Variants in RIMS1 observed in about 807,000 individuals in gnomAD.
RIMS1 encodes regulating synaptic membrane exocytosis 1.
RIMS1 carries 83 observed loss-of-function variants against 214.1 expected under a neutral mutation model. The observed-to-expected ratio is 0.39, with a 90% CI of 0.32 to 0.47. RIMS1 has a LOEUF of 0.47. Among genes scored for constraint, RIMS1 ranks in the 20% least tolerant of loss-of-function variants. RIMS1 has a pLI of 0.99. For synonymous variants in RIMS1, 793 were observed against 786.8 expected (o/e 1.01, Z -0.13); for missense variants, 2,050 against 2,161.8 (o/e 0.95, Z 1.03).
At chr6:72,318,592 C>G (rs1201252162) in intron 28 of RIMS1, among the ~76,000 whole-genome samples, 1 of 152,058 alleles carries the variant, frequency 6.6e-6, no homozygotes, top group East Asian at 1.9e-4. Context: ...CATATGTATT[C>G]TAGTTTCTTT....
At chr6:72,214,959 T>C (rs774578173) in intron 6 of RIMS1, among the ~76,000 whole-genome samples, 3 of 152,154 alleles carry the variant, frequency 2.0e-5, no homozygotes, top group Non-Finnish European at 4.4e-5. Flanking sequence ...TGACCTCCGG[T>C]GATCCACCCG....
intron 6 of RIMS1, among the ~76,000 whole-genome samples, chr6:72,227,823 C>T (rs182045891): frequency 1.3e-5 from 2 of 152,008 alleles, no homozygotes; most frequent in East Asian, 3.9e-4. Context: ...GATGCATTTA[C>T]ATGAATCAAC....
chr6:72,289,990 T>C (rs1361688697), intron 24 of RIMS1, among the ~76,000 whole-genome samples: 1 of 152,200 alleles, frequency 6.6e-6, no homozygotes, highest in Admixed American at 6.5e-5. Flanking sequence ...GCCATAGTAA[T>C]ATAGTTGTCA....
chr6:72,217,219 C>A, intron 6 of RIMS1: 1 of 1,536,494 alleles, frequency 6.5e-7, no homozygotes, highest in Non-Finnish European at 8.7e-7. Context: ...GTTTCTACTA[C>A]TTCATACATT....
intron 4 of RIMS1, among the ~76,000 whole-genome samples, chr6:72,167,683 A>G (rs576483768): frequency 1.3e-4 from 20 of 152,094 alleles, no homozygotes; most frequent in African/African-American, 4.6e-4. Flanking sequence ...TGAGTTTTTG[A>G]GAAATTTCTC....
intron 1 of RIMS1, among the ~76,000 whole-genome samples, chr6:71,951,147 T>G (rs1315963542): frequency 6.6e-6 from 1 of 152,210 alleles, no homozygotes; most frequent in East Asian, 1.9e-4. Flanking sequence ...GTTTTTATAC[T>G]TTTTTCCCTT....
intron 4 of RIMS1, among the ~76,000 whole-genome samples, chr6:72,142,483 G>A (rs2042196313): frequency 6.6e-6 from 1 of 151,862 alleles, no homozygotes; most frequent in South Asian, 2.1e-4. Flanking sequence ...CCTGAAAAAA[G>A]GAGACAATTA....
At chr6:72,369,168 A>T (rs569961988) in intron 29 of RIMS1, among the ~76,000 whole-genome samples, 1 of 151,714 alleles carries the variant, frequency 6.6e-6, no homozygotes, top group South Asian at 2.1e-4. Flanking sequence ...ATGAAAATTA[A>T]GCTGTTATGG....
At chr6:72,121,039 T>C (rs1390873722) in intron 4 of RIMS1, among the ~76,000 whole-genome samples, 1 of 151,916 alleles carries the variant, frequency 6.6e-6, no homozygotes, top group Non-Finnish European at 1.5e-5. Flanking sequence ...AGTAGCATGC[T>C]GTTTTGGTTA....
rs557759556 is a variant in RIMS1 at position 71,946,667 on chromosome 6, ACT to A, written c.165-22313_165-22312del. Among the ~76,000 whole-genome samples the A allele has an allele frequency of 1.2e-4, 18 of 152,214 alleles. 1 individual carries two copies. The East Asian group carries it at 3.5e-3, about 29-fold the overall frequency. ...TAAACACTTAAATGTAAGACCTGAAACTCTAAAACTATTACAAGAAAAACTTA... is the reference window on the plus strand; with the variant it reads ...TAAACACTTAAATGTAAGACCTGAAACTAAAACTATTACAAGAAAAACTTA... On this transcript the variant is annotated intron_variant, in intron 1 of 33. Coordinates refer to ENST00000521978, the MANE Select transcript of RIMS1 (RefSeq NM_014989.7).
rs557743976 is a variant in RIMS1 at position 72,057,609 on chromosome 6, G to A, written c.246-39340G>A. Among the ~76,000 whole-genome samples, 6 of 149,380 alleles carry A rather than the reference G, an allele frequency of 4.0e-5. No homozygotes were observed. In the South Asian group the frequency reaches 6.4e-4, roughly 16 times the overall value. ...TGCAAGCTCCGCCTCCCAGGTTTAC[G>A]CCATTCTCCTGCTTCAGCCTCCGGA... On this transcript the variant is annotated intron_variant, in intron 2 of 33. Coordinates refer to ENST00000521978, the MANE Select transcript of RIMS1 (RefSeq NM_014989.7).
intron 2 of RIMS1, 146 bp from the exon 3 acceptor site, chr6:72,096,803 G>T (rs2031889495): frequency 5.8e-6 from 4 of 684,688 alleles, no homozygotes; most frequent in South Asian, 3.6e-5. Flanking sequence ...TGAAGGTAAG[G>T]TTAGTGGGGA....
In RIMS1 at chr6:72,098,949, T is replaced by G. The variant is rs570439055; in HGVS notation, c.460-1026T>G. On this transcript the variant is annotated intron_variant, in intron 3 of 33. Transcript: ENST00000521978. ...ATAAGATCTATTTGTTAACTTCCCC[T>G]TCTATAGTGCTCTTTAATACACTAT... Among the ~76,000 whole-genome samples the G allele has an allele frequency of 7.9e-5, 12 of 152,300 alleles. No individual in the cohort carries two copies. In the South Asian group the frequency reaches 1.5e-3, roughly 18 times the overall value.
At chr6:71,909,585 T>C (rs1776303952) in intron 1 of RIMS1, among the ~76,000 whole-genome samples, 1 of 152,160 alleles carries the variant, frequency 6.6e-6, no homozygotes, top group African/African-American at 2.4e-5. Flanking sequence ...AATTAATTAC[T>C]TAATTAAAAT....
chr6:72,118,347 G>A (rs942130333), intron 4 of RIMS1, among the ~76,000 whole-genome samples: 2 of 150,730 alleles, frequency 1.3e-5, no homozygotes, highest in African/African-American at 4.9e-5. Context: ...AAAATTGCCA[G>A]TAAGTAAAAG....
chr6:72,264,754 AAAT>A (rs562584423), intron 19 of RIMS1, among the ~76,000 whole-genome samples: 64 of 152,280 alleles, frequency 4.2e-4, no homozygotes, highest in African/African-American at 1.5e-3. Flanking sequence ...TCAGATAATT[AAAT>A]AATAATTTTG....
chr6:72,214,617 T>G (rs771330811), intron 6 of RIMS1, among the ~76,000 whole-genome samples: 1 of 152,038 alleles, frequency 6.6e-6, no homozygotes, highest in Non-Finnish European at 1.5e-5. Flanking sequence ...GAGAAATAAA[T>G]ATTTTTTTAA....
intron 29 of RIMS1, among the ~76,000 whole-genome samples, chr6:72,361,875 A>G (rs1253207432): frequency 1.3e-5 from 2 of 152,204 alleles, no homozygotes; most frequent in Non-Finnish European, 2.9e-5. Context: ...GCTTAATTCC[A>G]TCTGCCAGCA....
intron 2 of RIMS1, among the ~76,000 whole-genome samples, chr6:72,084,878 TA>T (rs1834257583): frequency 1.3e-5 from 2 of 152,136 alleles, no homozygotes; most frequent in Admixed American, 1.3e-4. Context: ...TGGGGGACCA[TA>T]AAAACTACCA....
Sources: gnomAD v4.1 joint callset for allele counts (sites outside exome capture counted in the v4.1 genomes callset) on GRCh38, gnomAD v4.1.1 for gene constraint, MANE v1.5 for transcripts, NCBI Gene and HGNC (gene_info 2026-07-23, HGNC 2026-07-21) for gene names.